Variants in ATP9A observed in about 807,000 individuals in gnomAD.
ATP9A encodes the protein probable phospholipid-transporting ATPase IIA.
A neutral mutation model predicts 144.1 loss-of-function variants in ATP9A; 52 were observed. That is an observed-to-expected ratio of 0.36 (90% CI 0.29 to 0.45). The LOEUF (loss-of-function observed/expected upper bound fraction) is 0.45. ATP9A is among the 20% of genes least tolerant of loss of function. The pLI, the probability that ATP9A is intolerant of heterozygous loss-of-function variation, is 1.00. For synonymous variants in ATP9A, 582 were observed against 557.4 expected (o/e 1.04, Z -0.62); for missense variants, 947 against 1,392.7 (o/e 0.68, Z 5.09).
intron 1 of ATP9A, among the ~76,000 whole-genome samples, chr20:51,748,072 C>G (rs1271502414): frequency 6.6e-6 from 1 of 152,190 alleles, no homozygotes; most frequent in Non-Finnish European, 1.5e-5. Flanking sequence ...GTTCTGGGCT[C>G]TCTTAGACTC....
chr20:51,746,455 T>C (rs1429551196), intron 1 of ATP9A, among the ~76,000 whole-genome samples: 1 of 152,086 alleles, frequency 6.6e-6, no homozygotes. Context: ...TCCCAGAACT[T>C]TGGGAAGCCG....
rs967725663 is a variant in ATP9A, at chr20:51,599,995, A to G, written c.*1216T>C. On this transcript the variant is annotated 3_prime_UTR_variant, in exon 28 of 28. Coordinates refer to ENST00000338821, the MANE Select transcript of ATP9A (RefSeq NM_006045.3). ...AAGCAGCCACAGCTTTATAAGAAAC[A>G]TGCCGGCATGTAGTCCATCCTGGGA... is the stretch of plus-strand genomic sequence containing the variant. 2.6e-5 allele frequency: 4 copies of G among 152,158 alleles called. No individual in the cohort carries two copies. The highest frequency in any genetic ancestry group is 5.9e-5 in the Non-Finnish European group (4 of 68,026). The allele number at this position is 152,158 out of a possible 1,614,324, so 9.4% of individuals were successfully genotyped here.
At chr20:51,636,293 A>C (rs2077292048) in intron 15 of ATP9A, among the ~76,000 whole-genome samples, 1 of 152,126 alleles carries the variant, frequency 6.6e-6, no homozygotes, top group Non-Finnish European at 1.5e-5. Flanking sequence ...GAAATTCGTC[A>C]CACTACTCAC....
At chr20:51,698,404 T>C (rs1300020117) in intron 4 of ATP9A, among the ~76,000 whole-genome samples, 3 of 152,150 alleles carry the variant, frequency 2.0e-5, no homozygotes, top group Non-Finnish European at 2.9e-5. Flanking sequence ...ATGCCTATAG[T>C]CCCGGCTATT....
chr20:51,652,873 C>T (rs977670327), intron 14 of ATP9A, among the ~76,000 whole-genome samples: 3 of 152,024 alleles, frequency 2.0e-5, no homozygotes, highest in Admixed American at 6.5e-5. Context: ...CTTTGGGAGG[C>T]CAAGGCGGGC....
At chr20:51,687,987 A>G (rs769545351) in intron 9 of ATP9A, among the ~76,000 whole-genome samples, 3 of 152,224 alleles carry the variant, frequency 2.0e-5, no homozygotes, top group Non-Finnish European at 4.4e-5. Flanking sequence ...AGTGATGGCT[A>G]CACAGTAAGT....
At chr20:51,684,403 T>G (rs2077513140) in intron 9 of ATP9A, among the ~76,000 whole-genome samples, 1 of 152,152 alleles carries the variant, frequency 6.6e-6, no homozygotes, top group South Asian at 2.1e-4. Flanking sequence ...ACACATATAT[T>G]TAAGAAAATA....
intron 3 of ATP9A, among the ~76,000 whole-genome samples, chr20:51,719,213 C>T (rs1186338366): frequency 6.6e-6 from 1 of 151,806 alleles, no homozygotes; most frequent in Non-Finnish European, 1.5e-5. Flanking sequence ...CCTCCTGAGC[C>T]CAGAAGCACA....
At chr20:51,698,349 C>G (rs1253455784) in intron 4 of ATP9A, among the ~76,000 whole-genome samples, 1 of 152,190 alleles carries the variant, frequency 6.6e-6, no homozygotes, top group African/African-American at 2.4e-5. Flanking sequence ...ATGTCAAAAC[C>G]CTGTCTCTAC....
intron 3 of ATP9A, among the ~76,000 whole-genome samples, chr20:51,724,977 G>A (rs569911777): frequency 6.6e-6 from 1 of 152,238 alleles, no homozygotes; most frequent in South Asian, 2.1e-4. Context: ...TTCCAGATTG[G>A]GGGACATCTG....
At position 51,598,438 on chromosome 20, in the gene ATP9A, G is replaced by T. The variant is rs1489646210; in HGVS notation, c.*2773C>A. ...ACCTCAAATTAAATTGGCTGTCAAA[G>T]ACTTACGGCCCATGGAGCTCCCAGG... is the stretch of plus-strand genomic sequence containing the variant. On this transcript the variant is annotated 3_prime_UTR_variant, in exon 28 of 28. Coordinates refer to ENST00000338821, the MANE Select transcript of ATP9A (RefSeq NM_006045.3). The T allele has an allele frequency of 6.6e-6, 1 of 152,184 alleles. No homozygotes were observed. The highest frequency in any genetic ancestry group is 1.5e-5 in the Non-Finnish European group (1 of 68,042). The allele number at this position is 152,184 out of a possible 1,614,324, so 9.4% of individuals were successfully genotyped here. A position where few individuals can be genotyped will look rare whatever the true frequency, so the allele number is the denominator to read the frequency against.
At position 51,688,677 on chromosome 20, in the gene ATP9A, C is replaced by A. The variant is rs186166200; in HGVS notation, c.799+387G>T. ...CTCTTGGTGTTTAAACACAGAAGCT[C>A]CAGCTCAAGCCCATGCCCTTTCCTA... On this transcript the variant is annotated intron_variant, in intron 9 of 27. Coordinates refer to ENST00000338821, the MANE Select transcript of ATP9A (RefSeq NM_006045.3). Among the ~76,000 whole-genome samples the A allele has an allele frequency of 1.7e-4, 26 of 152,256 alleles. No homozygotes were observed. The East Asian group carries it at 3.7e-3, about 21-fold the overall frequency.
rs760772883 is a variant in ATP9A at position 51,656,957 on chromosome 20, T to C, written c.1487A>G (p.Gln496Arg). The C allele has an allele frequency of 1.2e-6, 2 of 1,613,952 alleles. No homozygotes were observed. The highest frequency in any genetic ancestry group is 1.7e-6 in the Non-Finnish European group (2 of 1,179,956). The change falls in exon 14 of 28, where the codon CAG (glutamine) becomes CGG (arginine). Residue 496 changes from glutamine to arginine, a missense_variant. This residue lies in a region of ATP9A where 770 missense variants were observed against 1,047.9 expected (regional missense o/e 0.73). Coordinates refer to ENST00000338821, the MANE Select transcript of ATP9A (RefSeq NM_006045.3). The stretch of plus-strand genomic sequence containing the variant: ...GTTTACCTCATCGGGGCTGGATGCC[T>C]GGTATACGCGGCAGGAGTCTTCGTA... ...KQYEDSCRVY[Q>R]ASSPDEVALV... is the part of the protein sequence containing the mutation.
chr20:51,614,507 C>T (rs1015051500), intron 22 of ATP9A, among the ~76,000 whole-genome samples: 11 of 152,040 alleles, frequency 7.2e-5, no homozygotes, highest in African/African-American at 2.7e-4. Flanking sequence ...CTCCATGTTG[C>T]CGAGTTTGGT....
rs2077255395 is a variant in ATP9A at position 51,627,742 on chromosome 20, G to A, written c.1762-59C>T. The A allele has an allele frequency of 4.9e-6, 7 of 1,425,040 alleles. No homozygotes were observed. The African/African-American group carries it at 8.4e-5, about 17-fold the overall frequency. 88.3% of individuals were successfully genotyped at this position (1,425,040 alleles called of 1,614,324 possible). A position where few individuals can be genotyped will look rare whatever the true frequency, so the allele number is the denominator to read the frequency against. ...GCTGAGAGCTCCTGACCTCACTGGG[G>A]AAGGACCAGTGCCCAAGTGGATGTG... On this transcript the variant is annotated intron_variant, in intron 16 of 27. Transcript: ENST00000338821.
intron 18 of ATP9A, among the ~76,000 whole-genome samples, chr20:51,622,664 C>T (rs1041121475): frequency 5.3e-5 from 8 of 152,156 alleles, no homozygotes; most frequent in East Asian, 1.9e-4. Context: ...CAGGTTCTTC[C>T]GTATCGTGCA....
rs374823609 is a variant in ATP9A at position 51,661,507 on chromosome 20, C to G, written c.1294-4357G>C. On this transcript the variant is annotated intron_variant, in intron 13 of 27. Transcript: ENST00000338821. ...GCCTTCTGAATACCGGGACCACAGGCGTGCACCACCATGCCCAGCTTTTTT... is the reference window on the plus strand; with the variant it reads ...GCCTTCTGAATACCGGGACCACAGGGGTGCACCACCATGCCCAGCTTTTTT... Among the ~76,000 whole-genome samples, 41 of 145,596 alleles carry G rather than the reference C, an allele frequency of 2.8e-4. No individual in the cohort carries two copies. In the East Asian group the frequency reaches 7.9e-3, roughly 28 times the overall value.
Position 51,674,254 on chromosome 20 carries a change from C to T in ATP9A, c.936G>A (p.Val312=). 1 of 1,613,840 alleles carries T rather than the reference C, an allele frequency of 6.2e-7. No homozygotes were observed. Among genetic ancestry groups the T allele is most frequent in the South Asian group, 1.1e-5 (1 of 91,058 alleles). Residue 312 remains valine (V), a synonymous_variant, in exon 11 of 28, where the codon GTG becomes GTA. Coordinates refer to ENST00000338821, the MANE Select transcript of ATP9A (RefSeq NM_006045.3). ...GGGCAACCATGACCAGCGAGACCAC[C>T]ACCAGGGCACCAAAGAGGATCTTGG... ...CLTKILFGAL[V]VVSLVMVALQ...
intron 26 of ATP9A, among the ~76,000 whole-genome samples, chr20:51,606,366 T>C (rs1055941144): frequency 8.5e-5 from 13 of 152,278 alleles, no homozygotes; most frequent in African/African-American, 2.6e-4. Flanking sequence ...GTATATTATA[T>C]GTACTACAAA....
Sources: allele counts gnomAD v4.1 joint callset (sites outside exome capture counted in the v4.1 genomes callset), GRCh38; gene constraint gnomAD v4.1.1; regional missense constraint gnomAD v4.1.1; transcripts MANE v1.5; gene names NCBI Gene and HGNC (gene_info 2026-07-23, HGNC 2026-07-21).